The following SGMS1 variants were observed in gnomAD, a reference collection of about 807,000 sequenced individuals.
SGMS1 encodes sphingomyelin synthase 1, also known as phosphatidylcholine:ceramide cholinephosphotransferase 1.
SGMS1 carries 13 observed loss-of-function variants against 46.2 expected under a neutral mutation model. The ratio of observed to expected loss-of-function variants is 0.28; its 90% CI spans 0.18 to 0.45. The LOEUF is 0.45. Ranked by LOEUF, SGMS1 falls within the 20% of genes least tolerant of loss-of-function variation. The pLI is 1.00. For synonymous variants in SGMS1, 203 were observed against 187.8 expected, an observed-to-expected ratio of 1.08 and a Z score of -0.66; for missense variants, 324 against 519.9, an observed-to-expected ratio of 0.62 and a Z score of 3.66.
At chr10:50,414,086 C>G (rs1232654028) in intron 6 of SGMS1, among the ~76,000 whole-genome samples, 1 of 152,120 alleles carries the variant, frequency 6.6e-6, no homozygotes, top group Admixed American at 6.5e-5. Flanking sequence ...GTTCAAATAA[C>G]AGTTACTAGA....
chr10:50,542,224 G>A (rs538690550), intron 2 of SGMS1, among the ~76,000 whole-genome samples: 2 of 152,122 alleles, frequency 1.3e-5, no homozygotes, highest in East Asian at 3.9e-4. Context: ...TAAAATACAT[G>A]GAAACAAAAT....
At chr10:50,313,205 G>T (rs1017461703) in intron 8 of SGMS1, among the ~76,000 whole-genome samples, 2 of 152,200 alleles carry the variant, frequency 1.3e-5, no homozygotes, top group Non-Finnish European at 2.9e-5. Context: ...AAACTTGAAC[G>T]TGTGTAGTGG....
chr10:50,512,140 G>A (rs990594186), intron 3 of SGMS1, among the ~76,000 whole-genome samples: 2 of 152,104 alleles, frequency 1.3e-5, no homozygotes, highest in Non-Finnish European at 2.9e-5. Flanking sequence ...AAGGCTATCC[G>A]GTTCAAGAAG....
At chr10:50,613,888 T>C (rs902861133) in intron 1 of SGMS1, among the ~76,000 whole-genome samples, 1 of 152,252 alleles carries the variant, frequency 6.6e-6, no homozygotes, top group African/African-American at 2.4e-5. Context: ...GTGTAGGTGC[T>C]GTACTAAGCT....
chr10:50,382,744 C>T (rs1848625698), intron 6 of SGMS1, among the ~76,000 whole-genome samples: 1 of 152,112 alleles, frequency 6.6e-6, no homozygotes, highest in African/African-American at 2.4e-5. Flanking sequence ...AAAAACCATC[C>T]CTGAAATAGT....
chr10:50,552,737 T>C (rs891854233), intron 2 of SGMS1, among the ~76,000 whole-genome samples: 125 of 152,198 alleles, frequency 8.2e-4, no homozygotes, highest in African/African-American at 2.8e-3. Flanking sequence ...AATGTTATCT[T>C]ACATGGCAAA....
intron 3 of SGMS1, among the ~76,000 whole-genome samples, chr10:50,512,727 T>A (rs1414105268): frequency 1.3e-5 from 2 of 152,208 alleles, no homozygotes; most frequent in Admixed American, 6.5e-5. Context: ...ACGCAAGAAC[T>A]CCCAAATCAA....
intron 4 of SGMS1, among the ~76,000 whole-genome samples, chr10:50,463,341 T>C (rs1837290316): frequency 6.6e-6 from 1 of 152,060 alleles, no homozygotes; most frequent in Non-Finnish European, 1.5e-5. Flanking sequence ...TAAATAATAA[T>C]TAAAAATTGG....
At chr10:50,359,310 T>A (rs1848208096) in intron 6 of SGMS1, among the ~76,000 whole-genome samples, 1 of 152,198 alleles carries the variant, frequency 6.6e-6, no homozygotes, top group Non-Finnish European at 1.5e-5. Context: ...CTGAAATATA[T>A]TTCTCTCAGT....
At chr10:50,338,122 G>T (rs1471354833) in intron 7 of SGMS1, among the ~76,000 whole-genome samples, 1 of 151,982 alleles carries the variant, frequency 6.6e-6, no homozygotes, top group East Asian at 1.9e-4. Flanking sequence ...TTCCCTTTTG[G>T]CATGGGATCA....
chr10:50,400,209 G>A (rs1470331075), intron 6 of SGMS1, among the ~76,000 whole-genome samples: 3 of 151,520 alleles, frequency 2.0e-5, no homozygotes, highest in African/African-American at 7.3e-5. Flanking sequence ...AAAAGATTCT[G>A]GAGCCAGATG....
At chr10:50,510,117 C>T (rs1220721247) in intron 3 of SGMS1, among the ~76,000 whole-genome samples, 1 of 152,164 alleles carries the variant, frequency 6.6e-6, no homozygotes, top group East Asian at 1.9e-4. Context: ...ATACTCTTGC[C>T]TTTTCCAGAA....
chr10:50,501,473 A>AT (rs1175882849), intron 3 of SGMS1, among the ~76,000 whole-genome samples: 2 of 152,264 alleles, frequency 1.3e-5, no homozygotes, highest in African/African-American at 2.4e-5. Flanking sequence ...AATACGTTTG[A>AT]TTTTTTCCTC....
chr10:50,558,618 C>A (rs1838208270), intron 2 of SGMS1, among the ~76,000 whole-genome samples: 1 of 152,124 alleles, frequency 6.6e-6, no homozygotes, highest in African/African-American at 2.4e-5. Context: ...TTGACCCTTG[C>A]ACAACACGAA....
intron 8 of SGMS1, among the ~76,000 whole-genome samples, chr10:50,321,129 G>A (rs1847434831): frequency 6.6e-6 from 1 of 152,138 alleles, no homozygotes; most frequent in South Asian, 2.1e-4. Flanking sequence ...TGGGAAAGTG[G>A]TTTCTTCCTT....
chr10:50,330,786 C>A (rs549276303), intron 7 of SGMS1, among the ~76,000 whole-genome samples: 56 of 152,316 alleles, frequency 3.7e-4, no homozygotes, highest in African/African-American at 1.3e-3. Flanking sequence ...ACTCAAATCT[C>A]TGGAGCAGTT....
intron 3 of SGMS1, among the ~76,000 whole-genome samples, chr10:50,470,123 T>A (rs561006720): frequency 6.6e-6 from 1 of 152,252 alleles, no homozygotes; most frequent in Non-Finnish European, 1.5e-5. Flanking sequence ...GGCAGCCCTG[T>A]CCCACACCCT....
intron 2 of SGMS1, among the ~76,000 whole-genome samples, chr10:50,544,733 T>A (rs1008809423): frequency 2.0e-5 from 3 of 152,184 alleles, no homozygotes; most frequent in Admixed American, 2.0e-4. Flanking sequence ...AAGTACAGTA[T>A]AAACAGGAGC....
chr10:50,402,173 A>G (rs903146331), intron 6 of SGMS1, among the ~76,000 whole-genome samples: 4 of 152,252 alleles, frequency 2.6e-5, no homozygotes, highest in Non-Finnish European at 5.9e-5. Context: ...TCCGCATTGA[A>G]ATGGATGCGT....
Sources: allele counts gnomAD v4.1 joint callset (sites outside exome capture counted in the v4.1 genomes callset), GRCh38; gene constraint gnomAD v4.1.1; transcripts MANE v1.5; gene names NCBI Gene and HGNC (gene_info 2026-07-23, HGNC 2026-07-21).